NRL: variants seen among roughly 807,000 people sequenced by gnomAD.
The protein encoded by NRL is neural retina leucine zipper, also known as neural retina-specific leucine zipper protein.
A neutral mutation model predicts 12.5 loss-of-function variants in NRL; 16 were observed. The observed-to-expected ratio is 1.28, with a 90% CI of 0.87 to 1.95. The LOEUF (loss-of-function observed/expected upper bound fraction) is 1.95. NRL is among the 30% of genes most tolerant of loss of function. The pLI is 0.00. For missense variants in NRL, 314 were observed against 325.8 expected (o/e 0.96, Z 0.28); for synonymous variants, 142 against 150.9 (o/e 0.94, Z 0.43).
intron 1 of NRL, chr14:24,098,579 C>A (rs377444905): frequency 1.9e-6 from 3 of 1,613,978 alleles, no homozygotes; most frequent in African/African-American, 2.7e-5. Flanking sequence ...GGCAAGCATG[C>A]GTATTATGAC....
At chr14:24,096,879 G>GT (rs758093956) in intron 1 of NRL, 2 of 1,606,694 alleles carry the variant, frequency 1.2e-6, no homozygotes, top group Non-Finnish European at 1.7e-6. Context: ...CATTGCCTCT[G>GT]TTTCTCCTAT....
chr14:24,103,755 C>A (rs972261952), intron 1 of NRL: 2 of 1,614,054 alleles, frequency 1.2e-6, no homozygotes, highest in African/African-American at 2.7e-5. Context: ...CCGAGAGACA[C>A]CCATTGGGCT....
Position 24,094,539 on chromosome 14 carries a change from T to C in NRL, c.-27-11664A>G. 6.9e-7 allele frequency: 1 copy of C among 1,442,356 alleles called. No individual in the cohort carries two copies. The highest frequency in any genetic ancestry group is 9.1e-7 in the Non-Finnish European group (1 of 1,102,754). The allele number at this position is 1,442,356 out of a possible 1,614,324, so 89.3% of individuals were successfully genotyped here. The stretch of plus-strand genomic sequence containing the variant: ...CTCTCAGCCTCCGCCAGGTTTCCCA[T>C]CCTAGGCGGAGGCGGGCAGGGGCGA... On this transcript the variant is annotated intron_variant, in intron 1 of 2. Coordinates refer to ENST00000561028, the MANE Select transcript of NRL (RefSeq NM_001354768.3). The surrounding 1 kb of genome is among the most constrained non-coding windows in gnomAD (Gnocchi z 4.1).
At chr14:24,102,899 C>A in intron 1 of NRL, 1 of 1,611,602 alleles carries the variant, frequency 6.2e-7, no homozygotes, top group Non-Finnish European at 8.5e-7. Context: ...AGGTAAACAA[C>A]ATATGAGCTC....
intron 1 of NRL, chr14:24,100,273 A>G: frequency 1.3e-6 from 2 of 1,590,944 alleles, no homozygotes; most frequent in African/African-American, 1.4e-5. Context: ...AATGGTGGAA[A>G]AGCTTTCTCC....
intron 1 of NRL, among the ~76,000 whole-genome samples, chr14:24,090,284 C>CGGGGAGGG (rs2036585882): frequency 1.3e-4 from 1 of 7,940 alleles, no homozygotes; most frequent in African/African-American, 6.5e-4. Flanking sequence ...GGGGGGGGCA[C>CGGGGAGGG]GGGGGGGGAC....
At chr14:24,100,517 AG>A in intron 1 of NRL, 2 of 871,554 alleles carry the variant, frequency 2.3e-6, no homozygotes, top group Non-Finnish European at 3.1e-6. Context: ...GTGCATAAAA[AG>A]GGTTTATCAC....
chr14:24,093,756 A>C (rs936822394), intron 1 of NRL, among the ~76,000 whole-genome samples: 2 of 151,932 alleles, frequency 1.3e-5, no homozygotes, highest in African/African-American at 4.8e-5. Flanking sequence ...GGGTAGAGAG[A>C]CTCCACCATT....
chr14:24,092,284 G>C (rs2036654256), intron 1 of NRL, among the ~76,000 whole-genome samples: 1 of 152,190 alleles, frequency 6.6e-6, no homozygotes, highest in South Asian at 2.1e-4. Flanking sequence ...GATAAGCCCT[G>C]AACTAAGGCC....
Position 24,081,490 on chromosome 14 carries a change from G to T in NRL, c.460C>A (p.Arg154Ser). 1.3e-6 allele frequency: 2 copies of T among 1,596,656 alleles called. No individual in the cohort carries two copies. Among genetic ancestry groups the T allele is most frequent in the Non-Finnish European group, 1.7e-6 (2 of 1,174,074 alleles). ...ELNRQLRGCG[R>S]DEALRLKQRR... ...TGCTTCAGCCGCAGCGCCTCGTCGC[G>T]CCCGCAGCCCCGCAGCTGCCGGTTT... Residue 154 changes from arginine (R) to serine (S), a missense_variant, in exon 3 of 3, where the codon CGC becomes AGC. Transcript: ENST00000561028. This position sits in a 1 kb window ranked among gnomAD's most constrained non-coding sequence, Gnocchi z 4.4.
intron 1 of NRL, among the ~76,000 whole-genome samples, chr14:24,096,675 C>T (rs180913370): frequency 4.5e-4 from 68 of 152,238 alleles, no homozygotes; most frequent in Non-Finnish European, 8.2e-4. Context: ...CATATCTGTC[C>T]CTCGCTGAGC....
chr14:24,094,570 GTGGGTCCAGCCTCC>G lies in NRL; in HGVS notation c.-27-11709_-27-11696del. On this transcript the variant is annotated intron_variant, in intron 1 of 2. Coordinates refer to ENST00000561028, the MANE Select transcript of NRL (RefSeq NM_001354768.3). This position sits in a 1 kb window ranked among gnomAD's most constrained non-coding sequence, Gnocchi z 4.1. ...GCGGAGGCGGGCAGGGGCGACTGCT[GTGGGTCCAGCCTCC>G]CGCGCCGCGCGTCTCTTGGGAGGGC... 5.5e-6 allele frequency: 8 copies of G among 1,445,518 alleles called. No homozygotes were observed. The highest frequency in any genetic ancestry group is 7.3e-6 in the Non-Finnish European group (8 of 1,103,320). 89.5% of individuals were successfully genotyped at this position (1,445,518 alleles called of 1,614,324 possible). A position where few individuals can be genotyped will look rare whatever the true frequency, so the allele number is the denominator to read the frequency against.
chr14:24,111,381 T>G (rs534427513), intron 1 of NRL, among the ~76,000 whole-genome samples: 6 of 152,034 alleles, frequency 3.9e-5, no homozygotes, highest in African/African-American at 7.2e-5. Context: ...TGATTGTTTT[T>G]TGTGTGTGTG....
At position 24,079,031 on chromosome 14, in the gene NRL, T is replaced by TGC. The variant is rs1463948926; in HGVS notation, c.*2204_*2205insGC. Among the ~76,000 whole-genome samples the TGC allele has an allele frequency of 2.6e-5, 4 of 152,242 alleles. No homozygotes were observed. The highest frequency in any genetic ancestry group is 9.6e-5 in the African/African-American group (4 of 41,530). ...ATGTTGCCCAGGCTGGTCTCAAACTTCCTCCTTGGCCTCCCAAAGTGTTGG... is the reference window on the plus strand; with the variant it reads ...ATGTTGCCCAGGCTGGTCTCAAACTTGCCCTCCTTGGCCTCCCAAAGTGTTGG... On this transcript the variant is annotated 3_prime_UTR_variant, in exon 3 of 3. Coordinates refer to ENST00000561028, the MANE Select transcript of NRL (RefSeq NM_001354768.3).
intron 1 of NRL, among the ~76,000 whole-genome samples, chr14:24,084,127 C>T (rs1008751847): frequency 5.3e-5 from 8 of 152,218 alleles, no homozygotes; most frequent in African/African-American, 1.9e-4. Flanking sequence ...GTCAGACCCC[C>T]AGGCTCTACC....
At position 24,094,238 on chromosome 14, in the gene NRL, A is replaced by T; in HGVS notation, c.-27-11363T>A. On this transcript the variant is annotated intron_variant, in intron 1 of 2. Transcript: ENST00000561028. The surrounding 1 kb of genome is among the most constrained non-coding windows in gnomAD (Gnocchi z 4.1). Reference sequence around the variant, plus strand: ...CCTGCCAGCGGGGCGGAGGAAAGCTAGTGCCAGCCCTACCAGGTTCCGCCC... The same window carrying T: ...CCTGCCAGCGGGGCGGAGGAAAGCTTGTGCCAGCCCTACCAGGTTCCGCCC... 1.6e-6 allele frequency: 1 copy of T among 627,738 alleles called. No individual in the cohort carries two copies. The highest frequency in any genetic ancestry group is 4.1e-4 in the Middle Eastern group (1 of 2,410). The allele number at this position is 627,738 out of a possible 1,614,324, so 38.9% of individuals were successfully genotyped here. A position where few individuals can be genotyped will look rare whatever the true frequency, so the allele number is the denominator to read the frequency against.
At chr14:24,098,274 A>AAG (rs2036986664) in intron 1 of NRL, 1 of 1,613,926 alleles carries the variant, frequency 6.2e-7, no homozygotes, top group Admixed American at 1.7e-5. Context: ...ACTCCTTCTC[A>AAG]GCGGGACACG....
chr14:24,114,645 C>G, intron 1 of NRL, 77 bp downstream of exon 1: 1 of 980,974 alleles, frequency 1.0e-6, no homozygotes, highest in Non-Finnish European at 1.2e-6. Context: ...CTTACTCCTC[C>G]CCAGCAAGAG....
chr14:24,109,697 CAAAA>C (rs1227097594), intron 1 of NRL, among the ~76,000 whole-genome samples: 1 of 66,332 alleles, frequency 1.5e-5, no homozygotes, highest in Non-Finnish European at 3.2e-5. Context: ...GACTCCATCT[CAAAA>C]AAAAAAAAAA....
Sources: allele counts gnomAD v4.1 joint callset (sites outside exome capture counted in the v4.1 genomes callset), GRCh38; gene constraint gnomAD v4.1.1; non-coding constraint Gnocchi (gnomAD v3.1); transcripts MANE v1.5; gene names NCBI Gene and HGNC (gene_info 2026-07-23, HGNC 2026-07-21).